Variants in RIMBP2 observed in about 807,000 individuals in gnomAD.
RIMBP2 encodes RIMS-binding protein 2.
Under a neutral mutation model 118.6 loss-of-function variants are expected in RIMBP2, and 48 were observed. That is an observed-to-expected ratio of 0.40 (90% CI 0.32 to 0.51). RIMBP2 has a LOEUF of 0.51. Among genes scored for constraint, RIMBP2 ranks in the 20% least tolerant of loss-of-function variants. The pLI is 0.41. For missense variants in RIMBP2, 1,551 were observed against 1,768.3 expected (o/e 0.88, Z 2.20); for synonymous variants, 762 against 742.9 (o/e 1.03, Z -0.42).
chr12:130,616,784 G>A (rs1184573944), intron 2 of RIMBP2, among the ~76,000 whole-genome samples: 5 of 152,166 alleles, frequency 3.3e-5, no homozygotes, highest in Admixed American at 1.3e-4. Flanking sequence ...CTTCTACATC[G>A]CCATGTGGCA....
At chr12:130,546,015 G>A (rs1431642615) in intron 2 of RIMBP2, among the ~76,000 whole-genome samples, 2 of 151,202 alleles carry the variant, frequency 1.3e-5, no homozygotes, top group Non-Finnish European at 2.9e-5. Context: ...ACAGCAGTGG[G>A]TTTTAGCGTG....
Position 130,412,627 on chromosome 12 carries a change from T to C in RIMBP2, c.3581A>G (p.Glu1194Gly). 6.2e-7 allele frequency: 1 copy of C among 1,613,646 alleles called. No individual in the cohort carries two copies. The highest frequency in any genetic ancestry group is 8.5e-7 in the Non-Finnish European group (1 of 1,179,872). ...QGFLPLNTPVEKIERSRRSGR... is the reference protein window; with the variant it reads ...QGFLPLNTPVGKIERSRRSGR... ...TAGGGGTTTGCGCTTACCTATTTTC[T>C]CCACAGGTGTATTCAGAGGGAGAAA... Residue 1194 changes from glutamate (E) to glycine (G), a missense_variant, in exon 19 of 23, where the codon GAG (glutamate) becomes GGG (glycine). By Grantham distance (98) the Glu-to-Gly change is moderately conservative. Coordinates refer to ENST00000690449, the MANE Select transcript of RIMBP2 (RefSeq NM_001393629.1).
At chr12:130,564,555 G>A (rs1432210446) in intron 2 of RIMBP2, among the ~76,000 whole-genome samples, 1 of 152,114 alleles carries the variant, frequency 6.6e-6, no homozygotes, top group Non-Finnish European at 1.5e-5. Context: ...TACATACAAT[G>A]GAATATTATT....
chr12:130,439,403 G>A (rs1475454025), intron 11 of RIMBP2, among the ~76,000 whole-genome samples: 4 of 150,364 alleles, frequency 2.7e-5, no homozygotes, highest in Non-Finnish European at 4.4e-5. Flanking sequence ...GCATGTGTAT[G>A]TATATATGTG....
At chr12:130,704,053 A>T (rs1429441772) in intron 1 of RIMBP2, among the ~76,000 whole-genome samples, 3 of 152,150 alleles carry the variant, frequency 2.0e-5, no homozygotes, top group African/African-American at 7.2e-5. Context: ...TTCCAGATGA[A>T]GCAGCATTTT....
intron 4 of RIMBP2, among the ~76,000 whole-genome samples, chr12:130,479,955 C>T (rs1244810854): frequency 6.6e-6 from 1 of 151,916 alleles, no homozygotes; most frequent in Non-Finnish European, 1.5e-5. Context: ...ACCACTGGGA[C>T]CCTGACAGTG....
At chr12:130,554,923 T>C (rs755494877) in intron 2 of RIMBP2, among the ~76,000 whole-genome samples, 3 of 152,188 alleles carry the variant, frequency 2.0e-5, no homozygotes, top group African/African-American at 4.8e-5. Context: ...ACAAGAGAAG[T>C]TGTCAGGAAA....
At chr12:130,478,602 C>A (rs545826783) in intron 5 of RIMBP2, among the ~76,000 whole-genome samples, 156 of 152,312 alleles carry the variant, frequency 1.0e-3, no homozygotes, top group Non-Finnish European at 1.9e-3. Context: ...CTGCACACTG[C>A]TTTTTCCAGA....
At chr12:130,652,769 G>T (rs1418144768) in intron 1 of RIMBP2, among the ~76,000 whole-genome samples, 1 of 152,170 alleles carries the variant, frequency 6.6e-6, no homozygotes, top group African/African-American at 2.4e-5. Context: ...CCTGCTTCTG[G>T]TGAGACCTCA....
At chr12:130,550,354 A>G (rs1285278889) in intron 2 of RIMBP2, among the ~76,000 whole-genome samples, 1 of 152,246 alleles carries the variant, frequency 6.6e-6, no homozygotes, top group African/African-American at 2.4e-5. Context: ...TCTCCTGAAA[A>G]CATAAAGACA....
rs148200335 is a variant in RIMBP2, at chr12:130,506,401, T to C, written c.-4+247A>G. Among the ~76,000 whole-genome samples the C allele has an allele frequency of 2.0e-5, 3 of 152,300 alleles. No homozygotes were observed. In the East Asian group the frequency reaches 5.8e-4, roughly 29 times the overall value. ...CCTGCCACTGCACAGCTCAGCTGTG[T>C]TTAACATCCTAAAAAATGGAAATGC... On this transcript the variant is annotated intron_variant, in intron 4 of 22. Coordinates refer to ENST00000690449, the MANE Select transcript of RIMBP2 (RefSeq NM_001393629.1).
At chr12:130,566,840 CAAT>C (rs1176292873) in intron 2 of RIMBP2, among the ~76,000 whole-genome samples, 1 of 152,232 alleles carries the variant, frequency 6.6e-6, no homozygotes, top group African/African-American at 2.4e-5. Context: ...TGATACAACA[CAAT>C]AACTAAGCAA....
chr12:130,546,775 C>T (rs527768851), intron 2 of RIMBP2, among the ~76,000 whole-genome samples: 3 of 152,330 alleles, frequency 2.0e-5, no homozygotes, highest in African/African-American at 7.2e-5. Context: ...CAAGAACTGA[C>T]TCATTTGTTT....
chr12:130,657,073 T>C (rs544455251), intron 1 of RIMBP2, among the ~76,000 whole-genome samples: 4 of 152,328 alleles, frequency 2.6e-5, no homozygotes, highest in South Asian at 4.1e-4. Flanking sequence ...TTTTACATTT[T>C]TATTTCTAGA....
intron 2 of RIMBP2, among the ~76,000 whole-genome samples, chr12:130,569,332 G>A (rs144768313): frequency 1.6e-4 from 24 of 152,272 alleles, no homozygotes; most frequent in African/African-American, 2.4e-4. Context: ...AGAGCAAAGC[G>A]TCCCCCTCCA....
chr12:130,446,648 T>C lies in RIMBP2; in HGVS notation c.582-1379A>G, dbSNP rs990265797. ...CTCGGCAGTGGAACGGGACAAGAGCTCTGGAAGAAGGAATAGCATGCGCCA... is the reference window on the plus strand; with the variant it reads ...CTCGGCAGTGGAACGGGACAAGAGCCCTGGAAGAAGGAATAGCATGCGCCA... On this transcript the variant is annotated intron_variant, in intron 9 of 22. Coordinates refer to ENST00000690449, the MANE Select transcript of RIMBP2 (RefSeq NM_001393629.1). The surrounding 1 kb of genome is among the most constrained non-coding windows in gnomAD (Gnocchi z 4.1). Among the ~76,000 whole-genome samples, 1 of 152,006 alleles carries C rather than the reference T, an allele frequency of 6.6e-6. No homozygotes were observed. The highest frequency in any genetic ancestry group is 6.5e-5 in the Admixed American group (1 of 15,274).
chr12:130,407,633 G>A (rs1445647627), intron 20 of RIMBP2, 93 bp downstream of exon 20: 3 of 967,138 alleles, frequency 3.1e-6, no homozygotes, highest in South Asian at 2.6e-5. Flanking sequence ...GAAGGAATGA[G>A]GAGGTGAACA....
At chr12:130,579,747 T>G (rs2058334962) in intron 2 of RIMBP2, among the ~76,000 whole-genome samples, 1 of 151,844 alleles carries the variant, frequency 6.6e-6, no homozygotes. Flanking sequence ...CAATAAATAC[T>G]AGATGAGTGG....
chr12:130,688,481 C>CCACT lies in RIMBP2; in HGVS notation c.-352+27737_-352+27740dup, dbSNP rs1185139387. On this transcript the variant is annotated intron_variant, in intron 1 of 22. Transcript: ENST00000690449. This position sits in a 1 kb window ranked among gnomAD's most constrained non-coding sequence, Gnocchi z 4.7. ...AATTGACATTGAGTGAACATACACA[C>CCACT]CACTGTCCCTCCGTGGGGGCGGCCA... is the stretch of plus-strand genomic sequence containing the variant. Among the ~76,000 whole-genome samples, 1 of 152,182 alleles carries CCACT rather than the reference C, an allele frequency of 6.6e-6. No individual in the cohort carries two copies.
Sources: gnomAD v4.1 joint callset for allele counts (sites outside exome capture counted in the v4.1 genomes callset) on GRCh38, gnomAD v4.1.1 for gene constraint, Gnocchi (gnomAD v3.1) non-coding constraint, MANE v1.5 for transcripts, NCBI Gene and HGNC (gene_info 2026-07-23, HGNC 2026-07-21) for gene names.